Variants in OTOGL observed in about 807,000 individuals in gnomAD.
OTOGL encodes the protein otogelin like.
OTOGL carries 285 observed loss-of-function variants against 318.5 expected under a neutral mutation model. The ratio of observed to expected loss-of-function variants is 0.89; its 90% confidence interval spans 0.81 to 0.99. The LOEUF is 0.99. OTOGL is among the 50% of genes least tolerant of loss of function. The pLI, the probability that OTOGL is intolerant of heterozygous loss-of-function variation, is 0.00. For synonymous variants in OTOGL, 987 were observed against 936.5 expected (o/e 1.05, Z -0.99); for missense variants, 2,899 against 2,845.6 (o/e 1.02, Z -0.43).
At chr12:80,117,730 C>A (rs1392127700) in intron 1 of OTOGL, among the ~76,000 whole-genome samples, 3 of 152,146 alleles carry the variant, frequency 2.0e-5, no homozygotes, top group African/African-American at 7.2e-5. Flanking sequence ...CCTTTTCTAC[C>A]TAGTTCTGTT....
chr12:80,211,004 C>T, intron 3 of OTOGL, 118 bp downstream of exon 3: 1 of 599,000 alleles, frequency 1.7e-6, no homozygotes, highest in South Asian at 5.1e-5. Flanking sequence ...TACAAAAAAG[C>T]ATGAAATATA....
intron 29 of OTOGL, among the ~76,000 whole-genome samples, chr12:80,310,254 G>A (rs7964967): frequency 0.96 from 146,559 of 152,242 alleles, 70,639 homozygotes; most frequent in Middle Eastern, 1. Context: ...AGACTTGGGT[G>A]CATATAACCT....
At chr12:80,270,045 G>GAAA in intron 22 of OTOGL, 57 bp from the exon 23 acceptor site, 2 of 890,974 alleles carry the variant, frequency 2.2e-6, no homozygotes, top group Admixed American at 2.9e-5. Flanking sequence ...GAAATTCAGG[G>GAAA]AAAAAAAAAA....
Position 80,222,113 on chromosome 12 carries a change from A to C in OTOGL, c.357A>C (p.Arg119Ser). ...CAGTCCCAAACATGGGCAACGGCAG[A>C]GATGGGATTTGTAAAACCTGGGGAC... The part of the protein sequence containing the change: ...CQIIPNMGNG[R>S]DGICKTWGQY... Residue 119 changes from arginine to serine, a missense_variant, in exon 7 of 59, where the codon AGA becomes AGC. Around this residue, in one of 3 missense-constraint regions of OTOGL, gnomAD observed 2,607 missense variants for 2,524.9 expected, o/e 1.03. Coordinates refer to ENST00000547103, the MANE Select transcript of OTOGL (RefSeq NM_001378609.3). The C allele has an allele frequency of 6.3e-7, 1 of 1,598,566 alleles. No individual in the cohort carries two copies. Among genetic ancestry groups the C allele is most frequent in the East Asian group, 2.2e-5 (1 of 44,842 alleles).
At chr12:80,229,695 A>G (rs755562154) in intron 8 of OTOGL, among the ~76,000 whole-genome samples, 96 of 152,090 alleles carry the variant, frequency 6.3e-4, no homozygotes, top group Non-Finnish European at 6.3e-4. Context: ...GAGTATCTTA[A>G]GAGTTCAACT....
At chr12:80,137,749 G>C (rs1456440076) in intron 1 of OTOGL, among the ~76,000 whole-genome samples, 7 of 152,120 alleles carry the variant, frequency 4.6e-5, no homozygotes, top group Non-Finnish European at 1.0e-4. Context: ...GTCATGTTCT[G>C]ATGCCAGGGT....
At position 80,302,644 on chromosome 12, in the gene OTOGL, G is replaced by C; in HGVS notation, c.3074G>C (p.Gly1025Ala). ...TTTTTTGTTTTTAAGAAACAATCAGGTTTTTTTCTGGAAAACAAATCTACC... is the reference window on the plus strand; with the variant it reads ...TTTTTTGTTTTTAAGAAACAATCAGCTTTTTTTCTGGAAAACAAATCTACC... ...NDTPYKQKQSGFFLENKSTYQ... is the reference protein window; with the variant it reads ...NDTPYKQKQSAFFLENKSTYQ... Residue 1025 changes from glycine to alanine, a missense_variant, in exon 28 of 59, where the codon GGT (glycine) becomes GCT (alanine). Coordinates refer to ENST00000547103, the MANE Select transcript of OTOGL (RefSeq NM_001378609.3). 1 of 1,367,836 alleles carries C rather than the reference G, an allele frequency of 7.3e-7. No homozygotes were observed. Among genetic ancestry groups the C allele is most frequent in the East Asian group, 2.7e-5 (1 of 37,234 alleles). 84.7% of individuals were successfully genotyped at this position (1,367,836 alleles called of 1,614,324 possible).
chr12:80,290,104 CA>C (rs1442305089), intron 26 of OTOGL, among the ~76,000 whole-genome samples: 1 of 152,212 alleles, frequency 6.6e-6, no homozygotes, highest in African/African-American at 2.4e-5. Context: ...CTGGATAGCA[CA>C]GCCCTTCATG....
chr12:80,280,054 ATGT>A (rs1369897480), intron 26 of OTOGL, among the ~76,000 whole-genome samples: 1 of 151,720 alleles, frequency 6.6e-6, no homozygotes, highest in Non-Finnish European at 1.5e-5. Flanking sequence ...ATAATTAATG[ATGT>A]TGAGCATTTT....
At chr12:80,103,162 C>G in intron 1 of OTOGL, 1 of 1,279,316 alleles carries the variant, frequency 7.8e-7, no homozygotes, top group Non-Finnish European at 1.1e-6. Flanking sequence ...TGTCCTCGTA[C>G]AACCTGAACT....
At chr12:80,127,645 G>T (rs576821818) in intron 1 of OTOGL, among the ~76,000 whole-genome samples, 7 of 152,276 alleles carry the variant, frequency 4.6e-5, no homozygotes, top group African/African-American at 1.2e-4. Context: ...TTTCCAACTT[G>T]GTTCCATTCT....
At chr12:80,350,065 C>T (rs966135226) in intron 44 of OTOGL, among the ~76,000 whole-genome samples, 2 of 152,158 alleles carry the variant, frequency 1.3e-5, no homozygotes, top group African/African-American at 4.8e-5. Flanking sequence ...AACATCTTCC[C>T]ATCACTTCAG....
At chr12:80,148,605 T>G (rs1413054529) in intron 1 of OTOGL, among the ~76,000 whole-genome samples, 1 of 152,026 alleles carries the variant, frequency 6.6e-6, no homozygotes, top group African/African-American at 2.4e-5. Flanking sequence ...TGGCCTGCCT[T>G]GCTAGATTGG....
intron 34 of OTOGL, among the ~76,000 whole-genome samples, chr12:80,323,420 G>C (rs1475377785): frequency 6.6e-6 from 1 of 152,080 alleles, no homozygotes; most frequent in African/African-American, 2.4e-5. Context: ...AGACTAAAGC[G>C]GGTGGATCAC....
chr12:80,368,390 C>G (rs541700113), intron 55 of OTOGL, 81 bp downstream of exon 55: 1 of 881,098 alleles, frequency 1.1e-6, no homozygotes, highest in Non-Finnish European at 1.8e-6. Flanking sequence ...ATGTCCCCCC[C>G]CACACACACT....
At chr12:80,337,194 G>A (rs1888467752) in intron 42 of OTOGL, among the ~76,000 whole-genome samples, 190 bp downstream of exon 42, 1 of 151,862 alleles carries the variant, frequency 6.6e-6, no homozygotes, top group Admixed American at 6.6e-5. Flanking sequence ...GCCAATTATT[G>A]CAAATATTTT....
intron 1 of OTOGL, among the ~76,000 whole-genome samples, chr12:80,198,820 T>C (rs2137279481): frequency 6.6e-6 from 1 of 152,324 alleles, no homozygotes; most frequent in South Asian, 2.1e-4. Flanking sequence ...GTTTCTGAAA[T>C]CTGTTTTGAA....
At chr12:80,298,175 A>T (rs1592674408) in intron 27 of OTOGL, among the ~76,000 whole-genome samples, 1 of 152,336 alleles carries the variant, frequency 6.6e-6, no homozygotes, top group East Asian at 1.9e-4. Flanking sequence ...CAGGTGAGGG[A>T]TACATTCAGG....
Position 80,232,900 on chromosome 12 carries a change from T to A in OTOGL, c.620T>A (p.Leu207Ter). The A allele has an allele frequency of 6.3e-7, 1 of 1,596,810 alleles. No individual in the cohort carries two copies. The highest frequency in any genetic ancestry group is 1.7e-5 in the Admixed American group (1 of 59,948). ...TTGTTCTGTTTTTCAAGTTTAACAT[T>A]GCCTCAGACAATTGGACAGATTTTC... ...EIKKNGISLT[L>*]PQTIGQIFIE... is the part of the protein sequence containing the mutation. Residue 207 changes from leucine (L) to a stop codon, truncating the protein, a stop_gained, in exon 9 of 59, where the codon TTG (leucine) becomes TAG (stop). Coordinates refer to ENST00000547103, the MANE Select transcript of OTOGL (RefSeq NM_001378609.3). LOFTEE classifies it high-confidence loss of function.
Sources: allele counts gnomAD v4.1 joint callset (sites outside exome capture counted in the v4.1 genomes callset), GRCh38; gene constraint gnomAD v4.1.1; regional missense constraint gnomAD v4.1.1; transcripts MANE v1.5; gene names NCBI Gene and HGNC (gene_info 2026-07-23, HGNC 2026-07-21).